GALNTL5: variants seen among roughly 807,000 people sequenced by gnomAD.
GALNTL5 encodes inactive polypeptide N-acetylgalactosaminyltransferase-like protein 5.
A neutral mutation model predicts 51.0 loss-of-function variants in GALNTL5; 44 were observed. The observed-to-expected ratio is 0.86, with a 90% CI of 0.68 to 1.11. The LOEUF (loss-of-function observed/expected upper bound fraction) is 1.11, where lower values mean the gene tolerates loss of function less well. GALNTL5 is among the 50% of genes least tolerant of loss of function. The pLI, the probability that GALNTL5 is intolerant of heterozygous loss-of-function variation, is 0.00. For synonymous variants in GALNTL5, 192 were observed against 182.8 expected, an observed-to-expected ratio of 1.05 and a Z score of -0.41; for missense variants, 528 against 531.8, an observed-to-expected ratio of 0.99 and a Z score of 0.07.
At chr7:151,976,465 T>G (rs770679326) in intron 3 of GALNTL5, among the ~76,000 whole-genome samples, 1 of 152,214 alleles carries the variant, frequency 6.6e-6, no homozygotes, top group Non-Finnish European at 1.5e-5. Flanking sequence ...GGTTTCCATT[T>G]GCATGAAATA....
chr7:151,966,760 G>A (rs776673505), intron 1 of GALNTL5, among the ~76,000 whole-genome samples: 14 of 152,134 alleles, frequency 9.2e-5, no homozygotes, highest in Non-Finnish European at 1.3e-4. Context: ...TTGTGCCATT[G>A]TGCCATTCAT....
chr7:152,000,263 T>A (rs191890841), intron 5 of GALNTL5, among the ~76,000 whole-genome samples: 496 of 152,336 alleles, frequency 3.3e-3, no homozygotes, highest in Non-Finnish European at 5.4e-3. Context: ...GGTAGGACTA[T>A]CTAGAAGAAT....
rs61729494 is a variant in GALNTL5, at chr7:151,987,161, G to A, written c.538G>A (p.Asp180Asn). The part of the protein sequence containing the change: ...ILVDDMSKVD[D>N]LKEKLDYHLE... ...TCATGTGTTGAATATTTTTCCAGAT[G>A]ATTTGAAAGAAAAACTAGACTATCA... Residue 180 changes from aspartate to asparagine, a missense_variant and splice_region_variant, in exon 5 of 9, where the codon GAT becomes AAT. Physicochemically the swap from Asp to Asn is conservative, Grantham distance 23. Transcript: ENST00000392800. 2.1e-4 allele frequency: 328 copies of A among 1,585,532 alleles called. No individual in the cohort carries two copies. Among genetic ancestry groups the A allele is most frequent in the South Asian group, 1.8e-4 (15 of 84,344 alleles).
intron 2 of GALNTL5, 80 bp downstream of exon 2, chr7:151,967,573 A>AC: frequency 8.0e-7 from 1 of 1,253,418 alleles, no homozygotes; most frequent in Non-Finnish European, 1.1e-6. Flanking sequence ...AGAGTACGAG[A>AC]CTATCCTTTT....
At chr7:152,014,240 C>G (rs958713453) in intron 7 of GALNTL5, among the ~76,000 whole-genome samples, 2 of 152,158 alleles carry the variant, frequency 1.3e-5, no homozygotes, top group Non-Finnish European at 2.9e-5. Context: ...AAATAAGAAA[C>G]TTAATTAGCC....
chr7:151,984,170 T>C (rs1005808564), intron 4 of GALNTL5: 6 of 152,242 alleles, frequency 3.9e-5, no homozygotes, highest in Non-Finnish European at 7.3e-5. Flanking sequence ...AGGAATTCCA[T>C]GAAAGAAGCG....
chr7:152,016,242 T>A (rs1235301938), intron 8 of GALNTL5, among the ~76,000 whole-genome samples: 1 of 151,872 alleles, frequency 6.6e-6, no homozygotes, highest in Non-Finnish European at 1.5e-5. Context: ...CCATCTCTAC[T>A]AAAAATACAA....
chr7:151,972,062 G>A (rs1176385212), intron 3 of GALNTL5, among the ~76,000 whole-genome samples: 1 of 152,218 alleles, frequency 6.6e-6, no homozygotes, highest in Non-Finnish European at 1.5e-5. Flanking sequence ...AAATGTAGAA[G>A]CAACTTGGGA....
chr7:151,991,686 G>A (rs1314645826), intron 5 of GALNTL5, among the ~76,000 whole-genome samples: 2 of 152,112 alleles, frequency 1.3e-5, no homozygotes, highest in Non-Finnish European at 2.9e-5. Flanking sequence ...TAATCACGCT[G>A]TCTCTTGATT....
chr7:152,011,074 A>T (rs769799054), intron 7 of GALNTL5, among the ~76,000 whole-genome samples: 1 of 152,306 alleles, frequency 6.6e-6, no homozygotes, highest in Non-Finnish European at 1.5e-5. Flanking sequence ...AGAGAGGTTG[A>T]GTAACTTGCC....
chr7:152,012,080 T>C (rs1466358299), intron 7 of GALNTL5, among the ~76,000 whole-genome samples: 1 of 152,232 alleles, frequency 6.6e-6, no homozygotes, highest in Non-Finnish European at 1.5e-5. Flanking sequence ...CTTCTCATGC[T>C]GAATGGCAGG....
rs117177065 is a variant in GALNTL5, at chr7:151,966,818, A to G, written c.-39-390A>G. ...CTGCTCCCTTTATTTCCAGCATGTG[A>G]TTGTGTGTTTTTACATTTTTAACAA... is the stretch of plus-strand genomic sequence containing the variant. On this transcript the variant is annotated intron_variant, in intron 1 of 8. Transcript: ENST00000392800. Among the ~76,000 whole-genome samples the G allele has an allele frequency of 2.3e-4, 35 of 152,180 alleles. No individual in the cohort carries two copies. In the East Asian group the frequency reaches 6.6e-3, roughly 29 times the overall value.
At chr7:151,992,825 C>T (rs1465032925) in intron 5 of GALNTL5, among the ~76,000 whole-genome samples, 1 of 151,916 alleles carries the variant, frequency 6.6e-6, no homozygotes, top group East Asian at 1.9e-4. Flanking sequence ...CACATAATAC[C>T]CATAGAAATG....
At chr7:151,958,812 G>A (rs1454371951) in intron 1 of GALNTL5, among the ~76,000 whole-genome samples, 2 of 152,200 alleles carry the variant, frequency 1.3e-5, no homozygotes, top group Non-Finnish European at 2.9e-5. Flanking sequence ...TGGAGAGTCA[G>A]CAAGGCAGAG....
At chr7:152,009,847 G>T (rs1277913090) in intron 7 of GALNTL5, among the ~76,000 whole-genome samples, 1 of 152,172 alleles carries the variant, frequency 6.6e-6, no homozygotes, top group Non-Finnish European at 1.5e-5. Context: ...ACTTGCATCA[G>T]TCCCCATGGC....
chr7:151,957,142 GAAAAAAA>G (rs71198743), intron 1 of GALNTL5, among the ~76,000 whole-genome samples: 3 of 100,178 alleles, frequency 3.0e-5, no homozygotes, highest in Admixed American at 1.9e-4. Context: ...TCTGTCTCGA[GAAAAAAA>G]AAAAAAAAAA....
chr7:151,988,881 G>A (rs568082952), intron 5 of GALNTL5, among the ~76,000 whole-genome samples: 4 of 152,046 alleles, frequency 2.6e-5, no homozygotes, highest in Admixed American at 2.0e-4. Context: ...TGTACTTCTA[G>A]TAGAGACGGG....
intron 5 of GALNTL5, among the ~76,000 whole-genome samples, chr7:152,002,214 A>G (rs1001185293): frequency 6.6e-6 from 1 of 151,948 alleles, no homozygotes; most frequent in African/African-American, 2.4e-5. Flanking sequence ...CGGGAGGCGG[A>G]TGTTGCAGTG....
At chr7:151,982,751 A>G (rs2081308606) in intron 3 of GALNTL5, 1 of 737,442 alleles carries the variant, frequency 1.4e-6, no homozygotes, top group African/African-American at 1.8e-5. Context: ...GTCTCAGGAA[A>G]GAGCAATTAT....
Sources: allele counts gnomAD v4.1 joint callset (sites outside exome capture counted in the v4.1 genomes callset), GRCh38; gene constraint gnomAD v4.1.1; transcripts MANE v1.5; gene names NCBI Gene and HGNC (gene_info 2026-07-23, HGNC 2026-07-21).